The following COL25A1 variants were observed in gnomAD, a reference collection of about 807,000 sequenced individuals.
The protein encoded by COL25A1 is collagen alpha-1(XXV) chain.
A neutral mutation model predicts 128.4 loss-of-function variants in COL25A1; 103 were observed. The ratio of observed to expected loss-of-function variants is 0.80; its 90% CI spans 0.68 to 0.94. The LOEUF is 0.94. COL25A1 is among the 40% of genes least tolerant of loss of function. The pLI, the probability that COL25A1 is intolerant of heterozygous loss-of-function variation, is 0.00. For missense variants in COL25A1, 745 were observed against 840.0 expected, an observed-to-expected ratio of 0.89 and a Z score of 1.40; for synonymous variants, 279 against 277.2, an observed-to-expected ratio of 1.01 and a Z score of -0.06.
rs780414977 is a variant in COL25A1 at position 108,889,208 on chromosome 4, A to G, written c.975+13T>C. 4 of 1,610,942 alleles carry G rather than the reference A, an allele frequency of 2.5e-6. No homozygotes were observed. In the South Asian group the frequency reaches 4.4e-5, roughly 18 times the overall value. On this transcript the variant is annotated intron_variant, in intron 18 of 37. Coordinates refer to ENST00000399132, the MANE Select transcript of COL25A1 (RefSeq NM_198721.4). ...ATGAGACAGTAGGAACACACTAGAG[A>G]TAGAGATATTACCTTTTGCCCTGGA...
At chr4:109,174,031 T>G (rs1223006514) in intron 3 of COL25A1, among the ~76,000 whole-genome samples, 1 of 152,218 alleles carries the variant, frequency 6.6e-6, no homozygotes, top group Admixed American at 6.5e-5. Context: ...TGTCTATATT[T>G]TTTAATTGTA....
At chr4:108,852,993 T>C (rs978042021) in intron 24 of COL25A1, 68 bp from the exon 25 acceptor site, 65 of 1,391,500 alleles carry the variant, frequency 4.7e-5, no homozygotes, top group Non-Finnish European at 6.5e-5. Context: ...GTAATACATT[T>C]GTGAAATAAT....
chr4:108,921,196 C>T (rs1010438773), intron 11 of COL25A1, among the ~76,000 whole-genome samples: 10 of 152,068 alleles, frequency 6.6e-5, no homozygotes, highest in Non-Finnish European at 1.3e-4. Context: ...ACAAAAGATG[C>T]TGTCAATTGT....
intron 6 of COL25A1, among the ~76,000 whole-genome samples, chr4:109,001,591 G>T (rs553733770): frequency 1.3e-5 from 2 of 152,346 alleles, no homozygotes; most frequent in Admixed American, 1.3e-4. Context: ...AAATGACTTA[G>T]TTCCAGAACA....
At chr4:109,141,088 A>G (rs1170699577) in intron 3 of COL25A1, among the ~76,000 whole-genome samples, 2 of 152,132 alleles carry the variant, frequency 1.3e-5, no homozygotes, top group Admixed American at 1.3e-4. Flanking sequence ...AATAGCTCTA[A>G]TTATTTTGAG....
rs775533070 is a variant in COL25A1, at chr4:109,050,159, T to C, written c.388A>G (p.Lys130Glu). The C allele has an allele frequency of 1.1e-5, 17 of 1,608,832 alleles. No individual in the cohort carries two copies. The highest frequency in any genetic ancestry group is 2.2e-5 in the East Asian group (1 of 44,636). The change falls in exon 4 of 38, where the codon AAG becomes GAG. Residue 130 changes from lysine to glutamate, a missense_variant. Transcript: ENST00000399132. The part of the protein sequence containing the change: ...CPAGPPGKRG[K>E]RGRRGESGPP... ...CCAGATTCTCCTCTTCGGCCTCTCT[T>C]ACCTCGTTTCCCTGGAGGGCCTGAA...
chr4:108,982,748 G>A (rs1753117392), intron 6 of COL25A1, among the ~76,000 whole-genome samples: 1 of 152,064 alleles, frequency 6.6e-6, no homozygotes, highest in Non-Finnish European at 1.5e-5. Context: ...ATCAAAACCA[G>A]CCTCACTTAC....
intron 30 of COL25A1, among the ~76,000 whole-genome samples, chr4:108,843,147 T>TC (rs1734652762): frequency 4.5e-5 from 1 of 22,360 alleles, no homozygotes; most frequent in Non-Finnish European, 7.8e-5. Flanking sequence ...AGACCCTGTC[T>TC]CAAAAAAAAA....
At chr4:109,184,131 T>C (rs997344621) in intron 3 of COL25A1, among the ~76,000 whole-genome samples, 1 of 152,168 alleles carries the variant, frequency 6.6e-6, no homozygotes, top group Non-Finnish European at 1.5e-5. Context: ...AGCAAGGATA[T>C]GGCTTTGTTC....
intron 3 of COL25A1, among the ~76,000 whole-genome samples, chr4:109,131,896 T>C (rs1461550729): frequency 6.6e-6 from 1 of 152,292 alleles, no homozygotes; most frequent in South Asian, 2.1e-4. Flanking sequence ...TACCATCTAA[T>C]GGATGTCGGG....
At chr4:108,994,488 G>A (rs1330131265) in intron 6 of COL25A1, among the ~76,000 whole-genome samples, 4 of 152,226 alleles carry the variant, frequency 2.6e-5, no homozygotes, top group African/African-American at 4.8e-5. Flanking sequence ...AGCCCACTGC[G>A]GTCAGCAAGG....
At chr4:109,217,590 G>A (rs537252580) in intron 3 of COL25A1, among the ~76,000 whole-genome samples, 6 of 151,836 alleles carry the variant, frequency 4.0e-5, no homozygotes, top group African/African-American at 7.3e-5. Flanking sequence ...ACAGGTAGGC[G>A]CTGACAAGCC....
intron 3 of COL25A1, among the ~76,000 whole-genome samples, chr4:109,256,656 T>C (rs1197348463): frequency 1.3e-5 from 2 of 152,176 alleles, no homozygotes; most frequent in Non-Finnish European, 2.9e-5. Context: ...ATGGAGCTTT[T>C]GTGGCAAAAC....
intron 3 of COL25A1, among the ~76,000 whole-genome samples, chr4:109,265,077 A>T (rs1299147946): frequency 6.6e-6 from 1 of 152,202 alleles, no homozygotes; most frequent in Non-Finnish European, 1.5e-5. Flanking sequence ...TTGTTCAGAC[A>T]TATTTGACAT....
intron 30 of COL25A1, among the ~76,000 whole-genome samples, chr4:108,843,571 T>C (rs1734715779): frequency 6.6e-6 from 1 of 152,196 alleles, no homozygotes; most frequent in South Asian, 2.1e-4. Flanking sequence ...ATCAGTTTCT[T>C]GAGGGCAGGG....
At chr4:109,242,174 T>C (rs540174139) in intron 3 of COL25A1, among the ~76,000 whole-genome samples, 144 of 152,212 alleles carry the variant, frequency 9.5e-4, no homozygotes, top group Admixed American at 3.9e-3. Context: ...CATCCAGCTT[T>C]TTCTACAAAC....
intron 30 of COL25A1, among the ~76,000 whole-genome samples, chr4:108,842,372 C>A (rs1734547334): frequency 6.6e-6 from 1 of 152,166 alleles, no homozygotes; most frequent in Non-Finnish European, 1.5e-5. Context: ...GGAAGAAAGT[C>A]ATAATGCATG....
chr4:108,931,958 A>G (rs572512527), intron 11 of COL25A1, among the ~76,000 whole-genome samples: 1 of 152,344 alleles, frequency 6.6e-6, no homozygotes, highest in Admixed American at 6.5e-5. Context: ...AGTGTGCACA[A>G]CTGAAGGACA....
chr4:109,046,379 C>T (rs897064788), intron 5 of COL25A1, among the ~76,000 whole-genome samples: 5 of 152,162 alleles, frequency 3.3e-5, no homozygotes, highest in South Asian at 2.1e-4. Context: ...CGTGATTTTT[C>T]GAGGAATCAA....
Sources: gnomAD v4.1 joint callset for allele counts (sites outside exome capture counted in the v4.1 genomes callset) on GRCh38, gnomAD v4.1.1 for gene constraint, MANE v1.5 for transcripts, NCBI Gene and HGNC (gene_info 2026-07-23, HGNC 2026-07-21) for gene names.